The following NTRK2 variants were observed in gnomAD, a reference collection of about 807,000 sequenced individuals.
NTRK2 encodes BDNF/NT-3 growth factors receptor.
NTRK2 carries 13 observed loss-of-function variants against 94.5 expected under a neutral mutation model. The ratio of observed to expected loss-of-function variants is 0.14; its 90% CI spans 0.09 to 0.22. NTRK2 has a LOEUF of 0.22. NTRK2 is among the 10% of genes least tolerant of loss of function. NTRK2 has a pLI of 1.00. For missense variants in NTRK2, 639 were observed against 1,071.2 expected, an observed-to-expected ratio of 0.60 and a Z score of 5.63; for synonymous variants, 372 against 407.4, an observed-to-expected ratio of 0.91 and a Z score of 1.05.
chr9:84,839,748 G>A (rs1323355252), intron 12 of NTRK2, among the ~76,000 whole-genome samples: 1 of 152,198 alleles, frequency 6.6e-6, no homozygotes, highest in Non-Finnish European at 1.5e-5. Context: ...TTGCTGCCCG[G>A]GAGCTATGCT....
intron 17 of NTRK2, among the ~76,000 whole-genome samples, chr9:85,016,284 G>C (rs985546602): frequency 6.6e-6 from 1 of 152,176 alleles, no homozygotes; most frequent in African/African-American, 2.4e-5. Flanking sequence ...TAGAACTCCA[G>C]TCTCTTGGGT....
At chr9:84,770,863 C>A (rs545222601) in intron 12 of NTRK2, among the ~76,000 whole-genome samples, 1 of 152,264 alleles carries the variant, frequency 6.6e-6, no homozygotes, top group East Asian at 1.9e-4. Flanking sequence ...ACAATACAAG[C>A]CCAGATCTTG....
intron 2 of NTRK2, among the ~76,000 whole-genome samples, chr9:84,673,784 A>T (rs1425392090): frequency 1.3e-5 from 2 of 152,184 alleles, no homozygotes; most frequent in Admixed American, 1.3e-4. Flanking sequence ...TTCCCATCAC[A>T]GTACCTGTTT....
chr9:84,708,587 G>C (rs1302039438), intron 5 of NTRK2, among the ~76,000 whole-genome samples: 3 of 152,204 alleles, frequency 2.0e-5, no homozygotes, highest in African/African-American at 7.2e-5. Flanking sequence ...CTATTCTTAT[G>C]GTAAGGCACC....
intron 12 of NTRK2, among the ~76,000 whole-genome samples, chr9:84,852,194 A>G (rs1177786789): frequency 6.6e-6 from 1 of 152,182 alleles, no homozygotes; most frequent in African/African-American, 2.4e-5. Context: ...CAGGGCCACT[A>G]ACATCGCTTC....
intron 14 of NTRK2, among the ~76,000 whole-genome samples, chr9:84,902,936 A>G (rs2076974227): frequency 1.3e-5 from 2 of 152,192 alleles, no homozygotes; most frequent in Admixed American, 6.5e-5. Flanking sequence ...TTGTCAAGTC[A>G]TTCACACAGT....
At chr9:85,021,163 C>T (rs1356682696) in intron 18 of NTRK2, 89 bp from the exon 19 acceptor site, 3 of 1,128,256 alleles carry the variant, frequency 2.7e-6, no homozygotes, top group Non-Finnish European at 3.9e-6. Flanking sequence ...TTTGTAAAAG[C>T]CCTCTCTTCT....
At chr9:84,826,252 T>C (rs183919932) in intron 12 of NTRK2, among the ~76,000 whole-genome samples, 2 of 152,266 alleles carry the variant, frequency 1.3e-5, no homozygotes, top group East Asian at 3.9e-4. Context: ...GGGTCTCTCT[T>C]AGTTTCCAGG....
intron 17 of NTRK2, among the ~76,000 whole-genome samples, chr9:84,971,894 A>G (rs1238571637): frequency 1.3e-5 from 2 of 152,190 alleles, no homozygotes; most frequent in African/African-American, 4.8e-5. Flanking sequence ...AGAGGAAGAT[A>G]TCAAGGATGT....
intron 2 of NTRK2, among the ~76,000 whole-genome samples, chr9:84,679,643 G>A (rs2059272545): frequency 6.6e-6 from 1 of 152,176 alleles, no homozygotes; most frequent in African/African-American, 2.4e-5. Flanking sequence ...ACTCATGCAT[G>A]CTACTCCTTG....
intron 12 of NTRK2, among the ~76,000 whole-genome samples, chr9:84,821,610 T>C (rs1456289049): frequency 6.6e-6 from 1 of 152,172 alleles, no homozygotes; most frequent in Non-Finnish European, 1.5e-5. Context: ...GATGTAAGGA[T>C]TGAGTGGATT....
intron 14 of NTRK2, among the ~76,000 whole-genome samples, chr9:84,890,711 G>A (rs1193870220): frequency 2.0e-5 from 3 of 152,158 alleles, no homozygotes; most frequent in African/African-American, 7.2e-5. Flanking sequence ...TGGGATGAAT[G>A]CCATGATTAA....
chr9:84,832,539 C>T (rs750968113), intron 12 of NTRK2, among the ~76,000 whole-genome samples: 13 of 152,142 alleles, frequency 8.5e-5, no homozygotes, highest in East Asian at 1.9e-4. Context: ...GTGGAAGTGT[C>T]AGGGCGAGGG....
At chr9:84,690,830 TACTA>T (rs1424022369) in intron 2 of NTRK2, among the ~76,000 whole-genome samples, 1 of 152,228 alleles carries the variant, frequency 6.6e-6, no homozygotes, top group Non-Finnish European at 1.5e-5. Context: ...TGAAACTACT[TACTA>T]ACCCATTTCT....
chr9:84,730,772 T>G (rs376632915), intron 9 of NTRK2, among the ~76,000 whole-genome samples: 7 of 10,748 alleles, frequency 6.5e-4, no homozygotes, highest in Admixed American at 1.7e-3. Context: ...TAAAGAAAAA[T>G]AAACAAATAG....
At chr9:84,862,795 A>C (rs2075395119) in intron 13 of NTRK2, among the ~76,000 whole-genome samples, 1 of 152,122 alleles carries the variant, frequency 6.6e-6, no homozygotes, top group East Asian at 1.9e-4. Flanking sequence ...GTGTGTTTCC[A>C]GGTAAGGAAC....
intron 8 of NTRK2, among the ~76,000 whole-genome samples, chr9:84,726,844 G>A (rs1039586880): frequency 1.3e-5 from 2 of 152,076 alleles, no homozygotes; most frequent in African/African-American, 4.8e-5. Flanking sequence ...AACAGATGAA[G>A]CATTTTAAAT....
intron 2 of NTRK2, among the ~76,000 whole-genome samples, chr9:84,682,066 C>T (rs72737657): frequency 0.031 from 4,727 of 152,284 alleles, 98 homozygotes; most frequent in Middle Eastern, 0.078. Flanking sequence ...AGGCATCCAT[C>T]TCCATAATGG....
At chr9:85,019,528 G>A (rs927027005) in intron 17 of NTRK2, among the ~76,000 whole-genome samples, 2 of 152,180 alleles carry the variant, frequency 1.3e-5, no homozygotes, top group African/African-American at 4.8e-5. Flanking sequence ...CAGTCTCAGT[G>A]TTTTCATTAA....
Sources: gnomAD v4.1 joint callset for allele counts (sites outside exome capture counted in the v4.1 genomes callset) on GRCh38, gnomAD v4.1.1 for gene constraint, MANE v1.5 for transcripts, NCBI Gene and HGNC (gene_info 2026-07-23, HGNC 2026-07-21) for gene names.